The following SLC14A2 variants were observed in gnomAD, a reference collection of about 807,000 sequenced individuals.
SLC14A2 encodes solute carrier family 14 member 2, also known as urea transporter 2.
SLC14A2 carries 91 observed loss-of-function variants against 104.6 expected under a neutral mutation model. The observed-to-expected ratio is 0.87, with a 90% confidence interval of 0.73 to 1.04. SLC14A2 has a LOEUF of 1.04. Ranked by LOEUF, SLC14A2 falls within the 50% of genes least tolerant of loss-of-function variation. The pLI is 0.00. For synonymous variants in SLC14A2, 476 were observed against 466.4 expected, an observed-to-expected ratio of 1.02 and a Z score of -0.27; for missense variants, 1,189 against 1,156.0, an observed-to-expected ratio of 1.03 and a Z score of -0.41.
At chr18:45,552,819 G>A (rs574860033) in intron 2 of SLC14A2, among the ~76,000 whole-genome samples, 2 of 152,348 alleles carry the variant, frequency 1.3e-5, no homozygotes, top group Admixed American at 6.5e-5. Context: ...GGGATCTGCA[G>A]AGCTGGGGGA....
intron 10 of SLC14A2, among the ~76,000 whole-genome samples, chr18:45,659,799 A>G (rs946410816): frequency 1.3e-5 from 2 of 152,180 alleles, no homozygotes; most frequent in African/African-American, 4.8e-5. Context: ...ACCCTGAAAT[A>G]TCTAATGACT....
intron 2 of SLC14A2, among the ~76,000 whole-genome samples, chr18:45,512,569 A>T (rs1405818817): frequency 6.6e-6 from 1 of 152,162 alleles, no homozygotes; most frequent in Admixed American, 6.5e-5. Flanking sequence ...CCACAGAGAA[A>T]GTGCAATTTC....
intron 2 of SLC14A2, chr18:45,489,787 G>A (rs1165799288): frequency 1.3e-5 from 2 of 152,102 alleles, no homozygotes; most frequent in Non-Finnish European, 2.9e-5. Context: ...AAAAACTGGG[G>A]GAGAAATAAT....
chr18:45,232,763 G>A (rs2084187305), intron 1 of SLC14A2, among the ~76,000 whole-genome samples: 1 of 152,200 alleles, frequency 6.6e-6, no homozygotes, highest in African/African-American at 2.4e-5. Context: ...CTCCTCCTGT[G>A]TAGCCAGCTC....
chr18:45,313,741 C>T (rs1028202630), intron 1 of SLC14A2, among the ~76,000 whole-genome samples: 1 of 152,156 alleles, frequency 6.6e-6, no homozygotes, highest in Admixed American at 6.6e-5. Context: ...TAACTAAGTG[C>T]TCAGTAAACA....
At chr18:45,250,414 TC>T (rs200660188) in intron 1 of SLC14A2, among the ~76,000 whole-genome samples, 3 of 152,166 alleles carry the variant, frequency 2.0e-5, no homozygotes, top group South Asian at 2.1e-4. Flanking sequence ...GCCTAATTCT[TC>T]CCCCCCTTAT....
At chr18:45,257,275 C>T (rs1321378800) in intron 1 of SLC14A2, among the ~76,000 whole-genome samples, 1 of 152,128 alleles carries the variant, frequency 6.6e-6, no homozygotes. Flanking sequence ...ATTAGTTGTT[C>T]CAGGGATGAT....
intron 19 of SLC14A2, among the ~76,000 whole-genome samples, chr18:45,681,859 A>T (rs1265076058): frequency 6.6e-6 from 1 of 152,190 alleles, no homozygotes; most frequent in African/African-American, 2.4e-5. Context: ...GCAGTGTTTG[A>T]GTTGGGTGCC....
intron 18 of SLC14A2, among the ~76,000 whole-genome samples, chr18:45,674,469 A>T (rs2046193962): frequency 6.6e-6 from 1 of 152,182 alleles, no homozygotes. Flanking sequence ...TAATTTGTAG[A>T]TATATTTTCT....
intron 1 of SLC14A2, among the ~76,000 whole-genome samples, chr18:45,230,222 A>G (rs2084160896): frequency 6.6e-6 from 1 of 152,152 alleles, no homozygotes; most frequent in African/African-American, 2.4e-5. Context: ...ATTGCTGACA[A>G]TAAAAAATAA....
intron 5 of SLC14A2, among the ~76,000 whole-genome samples, chr18:45,635,488 T>C (rs1291260287): frequency 2.0e-5 from 3 of 152,208 alleles, no homozygotes; most frequent in Admixed American, 6.5e-5. Context: ...GGTGGGCAGG[T>C]CCAACTGTCA....
chr18:45,564,717 A>G (rs1599010254), intron 2 of SLC14A2, among the ~76,000 whole-genome samples: 1 of 152,140 alleles, frequency 6.6e-6, no homozygotes, highest in African/African-American at 2.4e-5. Context: ...AAAACACGTG[A>G]CTGTGTACGT....
chr18:45,584,436 A>C (rs778045281), intron 2 of SLC14A2, among the ~76,000 whole-genome samples: 7 of 152,252 alleles, frequency 4.6e-5, no homozygotes, highest in Non-Finnish European at 1.0e-4. Flanking sequence ...GGTTGAAGGC[A>C]GCTAATGAAC....
At chr18:45,177,883 A>G in the SLC14A2 span, among the ~76,000 whole-genome samples, 3 of 152,204 alleles carry the variant, frequency 2.0e-5, no homozygotes, top group Non-Finnish European at 2.9e-5. Flanking sequence ...AGATTTTTAG[A>G]TGAAGGCAGA....
chr18:45,272,706 A>G (rs1217665178), intron 1 of SLC14A2, among the ~76,000 whole-genome samples: 1 of 152,138 alleles, frequency 6.6e-6, no homozygotes, highest in African/African-American at 2.4e-5. Flanking sequence ...CAATAGGGTG[A>G]CTTTAGTCAA....
intron 5 of SLC14A2, among the ~76,000 whole-genome samples, chr18:45,634,347 G>A (rs1385647599): frequency 6.6e-6 from 1 of 152,158 alleles, no homozygotes; most frequent in Non-Finnish European, 1.5e-5. Flanking sequence ...ATTCTTCTTG[G>A]CTAAGACAGA....
intron 1 of SLC14A2, among the ~76,000 whole-genome samples, chr18:45,336,945 G>C (rs2085343474): frequency 6.6e-6 from 1 of 151,692 alleles, no homozygotes; most frequent in East Asian, 1.9e-4. Context: ...CTGTTAAAGT[G>C]GCTCCAATGG....
chr18:45,503,866 A>G (rs2043240544), intron 2 of SLC14A2, among the ~76,000 whole-genome samples: 1 of 27,006 alleles, frequency 3.7e-5, no homozygotes, highest in Admixed American at 3.1e-4. Flanking sequence ...TAAAACAGAG[A>G]GGAGTTTATC....
intron 1 of SLC14A2, among the ~76,000 whole-genome samples, chr18:45,358,579 C>A (rs532572313): frequency 6.6e-6 from 1 of 152,164 alleles, no homozygotes; most frequent in South Asian, 2.1e-4. Flanking sequence ...CCTTTCTTTC[C>A]CCATAATTTT....
Sources: allele counts gnomAD v4.1 joint callset (sites outside exome capture counted in the v4.1 genomes callset), GRCh38; gene constraint gnomAD v4.1.1; transcripts MANE v1.5; gene names NCBI Gene and HGNC (gene_info 2026-07-23, HGNC 2026-07-21).